Variants in CLIC5 observed in about 807,000 individuals in gnomAD.
CLIC5 encodes the protein chloride intracellular channel protein 5.
A neutral mutation model predicts 24.7 loss-of-function variants in CLIC5; 20 were observed. The ratio of observed to expected loss-of-function variants is 0.81; its 90% CI spans 0.57 to 1.18. The LOEUF (loss-of-function observed/expected upper bound fraction) is 1.18. CLIC5 is among the 50% of genes most tolerant of loss of function. The probability of loss-of-function intolerance (pLI) is 0.00; values close to 1 mark genes in which losing one functional copy is unlikely to be tolerated. For synonymous variants in CLIC5, 159 were observed against 135.6 expected, an observed-to-expected ratio of 1.17 and a Z score of -1.20; for missense variants, 341 against 326.1, an observed-to-expected ratio of 1.05 and a Z score of -0.35.
At chr6:45,912,627 A>G in intron 5 of CLIC5, 1 of 1,494,334 alleles carries the variant, frequency 6.7e-7, no homozygotes, top group Non-Finnish European at 9.0e-7. Flanking sequence ...TCATGCTGCT[A>G]GTTGGCAGCA....
chr6:46,034,147 A>C (rs1767597444), intron 1 of CLIC5, among the ~76,000 whole-genome samples: 1 of 152,218 alleles, frequency 6.6e-6, no homozygotes, highest in Non-Finnish European at 1.5e-5. Context: ...TCTTTGTTTT[A>C]TGGAATCAAT....
In CLIC5 at chr6:46,061,768, T is replaced by C. The variant is rs142289663; in HGVS notation, c.540+17935A>G. 3.9e-3 allele frequency among the ~76,000 whole-genome samples: 587 copies of C among 152,366 alleles called. 10 individuals carry two copies. Among genetic ancestry groups the C allele is most frequent in the African/African-American group, 0.013 (529 of 41,590 alleles). ...AAACCAATAGATTCATACCAAGTTG[T>C]ATCACAGATGTTCTTTTTCAGTGTG... On this transcript the variant is annotated intron_variant, in intron 1 of 5. Transcript: ENST00000185206.
At chr6:45,975,087 A>T (rs1249576748) in intron 1 of CLIC5, among the ~76,000 whole-genome samples, 1 of 152,206 alleles carries the variant, frequency 6.6e-6, no homozygotes, top group Non-Finnish European at 1.5e-5. Context: ...GTAAGCTAAA[A>T]GGGAGGTGAC....
At chr6:46,010,207 T>G (rs1251212394) in intron 1 of CLIC5, among the ~76,000 whole-genome samples, 2 of 152,188 alleles carry the variant, frequency 1.3e-5, no homozygotes, top group Non-Finnish European at 2.9e-5. Context: ...GCCTCTGACT[T>G]CTTGTACACA....
At chr6:46,071,584 C>A (rs914697881) in intron 1 of CLIC5, among the ~76,000 whole-genome samples, 2 of 152,064 alleles carry the variant, frequency 1.3e-5, no homozygotes, top group African/African-American at 4.8e-5. Context: ...CAAAAAATAA[C>A]AGGTGCTGGC....
upstream of CLIC5, among the ~76,000 whole-genome samples, chr6:46,019,767 T>G (rs1767125060): frequency 6.7e-6 from 1 of 148,988 alleles, no homozygotes; most frequent in Admixed American, 6.7e-5. Context: ...CATATATTAA[T>G]GTAAGTCTAT....
intron 1 of CLIC5, among the ~76,000 whole-genome samples, chr6:45,995,814 G>C (rs950069690): frequency 1.3e-5 from 2 of 152,018 alleles, no homozygotes; most frequent in African/African-American, 4.8e-5. Context: ...TGTCCTTTGC[G>C]GGGACATGGA....
At chr6:46,070,410 G>A (rs1452817107) in intron 1 of CLIC5, among the ~76,000 whole-genome samples, 1 of 152,034 alleles carries the variant, frequency 6.6e-6, no homozygotes, top group Non-Finnish European at 1.5e-5. Flanking sequence ...AAAATCACTA[G>A]TATTCCTATA....
chr6:46,037,090 T>C (rs571778227), intron 1 of CLIC5, among the ~76,000 whole-genome samples: 10 of 152,330 alleles, frequency 6.6e-5, no homozygotes, highest in Admixed American at 1.3e-4. Context: ...CCATGTGTCA[T>C]TTCTTTTGCT....
intron 5 of CLIC5, among the ~76,000 whole-genome samples, chr6:45,908,306 T>C (rs1157267259): frequency 6.6e-6 from 1 of 152,200 alleles, no homozygotes; most frequent in Non-Finnish European, 1.5e-5. Context: ...TTTCTTTTAC[T>C]ATACTAGCTT....
intron 3 of CLIC5, among the ~76,000 whole-genome samples, chr6:45,941,911 C>T (rs925870846): frequency 6.6e-6 from 1 of 152,168 alleles, no homozygotes; most frequent in African/African-American, 2.4e-5. Flanking sequence ...GAATGCCATT[C>T]AGGGGTCTCA....
chr6:46,019,477 G>C (rs1023115632), upstream of CLIC5, among the ~76,000 whole-genome samples: 2 of 151,676 alleles, frequency 1.3e-5, no homozygotes, highest in Non-Finnish European at 2.9e-5. Context: ...ATGAGGTCAG[G>C]AGATCGAGAC....
upstream of CLIC5, among the ~76,000 whole-genome samples, chr6:46,084,445 AG>A (rs1379276506): frequency 6.6e-6 from 1 of 152,160 alleles, no homozygotes; most frequent in Non-Finnish European, 1.5e-5. Flanking sequence ...TGCTTCCTTC[AG>A]GAGCTCTTTT....
chr6:46,004,048 A>G (rs556136294), intron 1 of CLIC5, among the ~76,000 whole-genome samples: 2 of 152,338 alleles, frequency 1.3e-5, no homozygotes, highest in Non-Finnish European at 2.9e-5. Flanking sequence ...TTAACAGAAT[A>G]TGGGAAATAA....
At chr6:46,022,700 G>C (rs929208931) in intron 1 of CLIC5, among the ~76,000 whole-genome samples, 3 of 152,208 alleles carry the variant, frequency 2.0e-5, no homozygotes, top group African/African-American at 7.2e-5. Context: ...CTGGGAGTGA[G>C]CTGGACTGAA....
At chr6:45,895,467 T>G (rs1762385177), downstream of CLIC5, among the ~76,000 whole-genome samples, 1 of 152,220 alleles carries the variant, frequency 6.6e-6, no homozygotes, top group African/African-American at 2.4e-5. Flanking sequence ...GAAGCATATT[T>G]AACTAACACA....
intron 4 of CLIC5, chr6:45,937,558 C>G (rs995275068): frequency 2.0e-5 from 3 of 152,236 alleles, no homozygotes; most frequent in Non-Finnish European, 1.5e-5. Context: ...TGTTTTACAG[C>G]TCCCTGTAGA....
intron 1 of CLIC5, among the ~76,000 whole-genome samples, chr6:46,037,811 G>C (rs1767703155): frequency 6.6e-6 from 1 of 152,154 alleles, no homozygotes; most frequent in Non-Finnish European, 1.5e-5. Context: ...GTAATTGCGG[G>C]CTAACTGAAG....
intron 4 of CLIC5, among the ~76,000 whole-genome samples, chr6:45,936,266 G>A (rs772307874): frequency 2.7e-4 from 37 of 139,238 alleles, no homozygotes; most frequent in Admixed American, 5.6e-4. Context: ...GTGCAATGAC[G>A]TGATCTCGGC....
Sources: allele counts gnomAD v4.1 joint callset (sites outside exome capture counted in the v4.1 genomes callset), GRCh38; gene constraint gnomAD v4.1.1; transcripts MANE v1.5; gene names NCBI Gene and HGNC (gene_info 2026-07-23, HGNC 2026-07-21).